The following FGGY variants were observed in gnomAD, a reference collection of about 807,000 sequenced individuals.
FGGY encodes the protein FGGY carbohydrate kinase domain containing.
A neutral mutation model predicts 71.3 loss-of-function variants in FGGY; 72 were observed. The observed-to-expected ratio is 1.01, with a 90% CI of 0.84 to 1.23. The LOEUF (loss-of-function observed/expected upper bound fraction) is 1.23, where lower values mean the gene tolerates loss of function less well. FGGY is among the 50% of genes most tolerant of loss of function. The probability of loss-of-function intolerance (pLI) is 0.00; values close to 1 mark genes in which losing one functional copy is unlikely to be tolerated. For missense variants in FGGY, 668 were observed against 682.3 expected (o/e 0.98, Z 0.23); for synonymous variants, 251 against 250.3 (o/e 1.00, Z -0.02).
chr1:59,548,264 A>G (rs972620140), intron 7 of FGGY, among the ~76,000 whole-genome samples: 2 of 152,204 alleles, frequency 1.3e-5, no homozygotes, highest in Non-Finnish European at 2.9e-5. Flanking sequence ...CAAAGTAAAC[A>G]AATGCTTAGT....
chr1:59,335,040 C>T (rs982787815), intron 2 of FGGY, among the ~76,000 whole-genome samples: 1 of 152,036 alleles, frequency 6.6e-6, no homozygotes, highest in Non-Finnish European at 1.5e-5. Context: ...TCCATTTTAT[C>T]TTTCATAGCT....
At chr1:59,713,242 A>T (rs1248194940) in intron 14 of FGGY, among the ~76,000 whole-genome samples, 1 of 152,196 alleles carries the variant, frequency 6.6e-6, no homozygotes, top group Non-Finnish European at 1.5e-5. Context: ...CACTATCAGC[A>T]TTTTTGTCAA....
intron 14 of FGGY, among the ~76,000 whole-genome samples, chr1:59,680,139 C>T (rs1225451120): frequency 6.6e-6 from 1 of 152,062 alleles, no homozygotes; most frequent in Non-Finnish European, 1.5e-5. Flanking sequence ...GCTTTCATCC[C>T]CAGGCCTCTT....
At chr1:59,637,560 C>T (rs1278741584) in intron 10 of FGGY, among the ~76,000 whole-genome samples, 7 of 152,070 alleles carry the variant, frequency 4.6e-5, no homozygotes, top group Non-Finnish European at 1.0e-4. Context: ...CGAGATTGCA[C>T]CATTGCACTC....
At chr1:59,370,070 C>G (rs574969613) in intron 4 of FGGY, among the ~76,000 whole-genome samples, 4 of 152,166 alleles carry the variant, frequency 2.6e-5, no homozygotes, top group Admixed American at 6.5e-5. Flanking sequence ...TGGAGAATGA[C>G]TTTGACGAGT....
chr1:59,317,373 T>C (rs2045636752), intron 1 of FGGY, among the ~76,000 whole-genome samples: 1 of 152,222 alleles, frequency 6.6e-6, no homozygotes, highest in Admixed American at 6.5e-5. Context: ...AATAAAGTGG[T>C]GATAGGTTTA....
intron 7 of FGGY, among the ~76,000 whole-genome samples, chr1:59,548,606 G>T (rs1364332520): frequency 6.6e-6 from 1 of 152,060 alleles, no homozygotes; most frequent in Non-Finnish European, 1.5e-5. Flanking sequence ...AACAGCAAAG[G>T]TTCATATAGT....
chr1:59,744,812 A>C (rs1177991322), intron 14 of FGGY, among the ~76,000 whole-genome samples: 1 of 152,260 alleles, frequency 6.6e-6, no homozygotes, highest in Non-Finnish European at 1.5e-5. Context: ...ATACAGAGAA[A>C]GTTAATGGCT....
Position 59,583,928 on chromosome 1 carries a change from C to T in FGGY, c.904-23875C>T, listed in dbSNP as rs757704257. On this transcript the variant is annotated intron_variant, in intron 8 of 15. Transcript: ENST00000303721. ...CAGCTGACAGCTAACCACTGCTGCTCGGAAGTGTCGACGGCTCACCACTTA... is the reference window on the plus strand; with the variant it reads ...CAGCTGACAGCTAACCACTGCTGCTTGGAAGTGTCGACGGCTCACCACTTA... Among the ~76,000 whole-genome samples, 8 of 116,266 alleles carry T rather than the reference C, an allele frequency of 6.9e-5. 2 individuals carry two copies. Among genetic ancestry groups the T allele is most frequent in the Admixed American group, 2.5e-4 (3 of 12,082 alleles). 76.3% of individuals were successfully genotyped at this position (116,266 alleles called of 152,430 possible).
At chr1:59,596,475 A>G (rs77146367) in intron 8 of FGGY, among the ~76,000 whole-genome samples, 1 of 150,868 alleles carries the variant, frequency 6.6e-6, no homozygotes, top group East Asian at 1.9e-4. Flanking sequence ...AAAAAAAAAA[A>G]GTGACTTAGG....
intron 9 of FGGY, among the ~76,000 whole-genome samples, chr1:59,609,831 G>A (rs928110340): frequency 6.6e-6 from 1 of 152,202 alleles, no homozygotes; most frequent in African/African-American, 2.4e-5. Context: ...TGTTCTGTAC[G>A]TTACTGTTGT....
At chr1:59,497,901 A>T (rs1356084784) in intron 6 of FGGY, among the ~76,000 whole-genome samples, 1 of 132,162 alleles carries the variant, frequency 7.6e-6, no homozygotes, top group Non-Finnish European at 1.6e-5. Flanking sequence ...TTCCGTACGC[A>T]GTCTTCCAGG....
chr1:59,720,299 C>T (rs2097878914), intron 14 of FGGY, among the ~76,000 whole-genome samples: 1 of 152,170 alleles, frequency 6.6e-6, no homozygotes, highest in African/African-American at 2.4e-5. Context: ...TGCCTTATGC[C>T]TGTAGCCATT....
intron 5 of FGGY, among the ~76,000 whole-genome samples, chr1:59,436,296 C>T (rs2068450019): frequency 6.6e-6 from 1 of 152,158 alleles, no homozygotes; most frequent in Non-Finnish European, 1.5e-5. Context: ...CCTTCTGTTT[C>T]ATGGGGCTGT....
intron 7 of FGGY, among the ~76,000 whole-genome samples, chr1:59,536,119 A>G (rs1429193845): frequency 6.6e-6 from 1 of 151,898 alleles, no homozygotes; most frequent in African/African-American, 2.4e-5. Context: ...AGAATCAAAT[A>G]GATGCAATAA....
At chr1:59,529,040 A>G (rs1430995594) in intron 7 of FGGY, among the ~76,000 whole-genome samples, 1 of 152,242 alleles carries the variant, frequency 6.6e-6, no homozygotes, top group Non-Finnish European at 1.5e-5. Flanking sequence ...TTTATGAACA[A>G]TGGAATCTAG....
intron 8 of FGGY, among the ~76,000 whole-genome samples, chr1:59,577,560 G>A (rs959538126): frequency 1.3e-5 from 2 of 151,780 alleles, no homozygotes; most frequent in African/African-American, 4.9e-5. Context: ...CAAAAAAACA[G>A]TGTTGAATGC....
intron 5 of FGGY, among the ~76,000 whole-genome samples, chr1:59,447,848 G>A (rs2071667401): frequency 6.6e-6 from 1 of 152,130 alleles, no homozygotes; most frequent in South Asian, 2.1e-4. Flanking sequence ...GTCTTTATCA[G>A]CAGTGTGAAA....
chr1:59,596,078 G>T (rs1048299621), intron 8 of FGGY, among the ~76,000 whole-genome samples: 1 of 152,108 alleles, frequency 6.6e-6, no homozygotes, highest in Non-Finnish European at 1.5e-5. Context: ...AGCCCTCCCG[G>T]ATCCACTTTC....
Sources: gnomAD v4.1 joint callset for allele counts (sites outside exome capture counted in the v4.1 genomes callset) on GRCh38, gnomAD v4.1.1 for gene constraint, MANE v1.5 for transcripts, NCBI Gene and HGNC (gene_info 2026-07-23, HGNC 2026-07-21) for gene names.